PTBP3: variants seen among roughly 807,000 people sequenced by gnomAD.
PTBP3 encodes polypyrimidine tract binding protein 3, also known as polypyrimidine tract-binding protein 3.
PTBP3 carries 20 observed loss-of-function variants against 58.7 expected under a neutral mutation model. The ratio of observed to expected loss-of-function variants is 0.34; its 90% CI spans 0.24 to 0.50. The LOEUF (loss-of-function observed/expected upper bound fraction) is 0.50. Among genes scored for constraint, PTBP3 ranks in the 20% least tolerant of loss-of-function variants. The pLI, the probability that PTBP3 is intolerant of heterozygous loss-of-function variation, is 0.98. For missense variants in PTBP3, 509 were observed against 637.2 expected (o/e 0.80, Z 2.17); for synonymous variants, 185 against 219.8 (o/e 0.84, Z 1.40).
At chr9:112,259,404 C>T (rs1019397794) in intron 5 of PTBP3, among the ~76,000 whole-genome samples, 1 of 152,210 alleles carries the variant, frequency 6.6e-6, no homozygotes, top group East Asian at 1.9e-4. Flanking sequence ...AATGCCCTCT[C>T]GCATAGGGCT....
chr9:112,281,723 A>G (rs997456046), intron 2 of PTBP3, among the ~76,000 whole-genome samples: 4 of 152,198 alleles, frequency 2.6e-5, no homozygotes, highest in African/African-American at 7.2e-5. Flanking sequence ...AAACAGCTAT[A>G]TGACTATCTG....
intron 6 of PTBP3, chr9:112,252,360 C>T: frequency 3.3e-6 from 1 of 303,190 alleles, no homozygotes; most frequent in Non-Finnish European, 6.2e-6. Flanking sequence ...TAAATGAAAG[C>T]ACGAGGGTAA....
At chr9:112,290,714 A>ACAAACACACC (rs1828378544) in intron 2 of PTBP3, among the ~76,000 whole-genome samples, 1 of 144,658 alleles carries the variant, frequency 6.9e-6, no homozygotes, top group Non-Finnish European at 1.5e-5. Context: ...ATATACACAC[A>ACAAACACACC]CACACACACA....
chr9:112,285,064 G>A (rs1828051524), intron 2 of PTBP3, among the ~76,000 whole-genome samples: 3 of 152,056 alleles, frequency 2.0e-5, no homozygotes, highest in Admixed American at 2.0e-4. Context: ...AGAATAATAT[G>A]GTTTCACTCT....
upstream of PTBP3, among the ~76,000 whole-genome samples, chr9:112,335,599 CTTTTTTTT>C (rs113253430): frequency 2.9e-5 from 3 of 102,708 alleles, no homozygotes; most frequent in Admixed American, 1.1e-4. Context: ...TACCATTTTT[CTTTTTTTT>C]TTTTTTTTTT....
intron 1 of PTBP3, among the ~76,000 whole-genome samples, chr9:112,300,286 T>TA: frequency 6.6e-6 from 1 of 152,332 alleles, no homozygotes. Context: ...TGTGTGCACC[T>TA]AGACATATAA....
chr9:112,376,304 AGTGCAGTGGC>A, the PTBP3 span, among the ~76,000 whole-genome samples: 18 of 116,916 alleles, frequency 1.5e-4, no homozygotes, highest in Admixed American at 2.0e-3. Context: ...ACCAGGCTGG[AGTGCAGTGGC>A]GTGGTCTCCG....
At chr9:112,307,274 G>A (rs2132363615) in intron 1 of PTBP3, among the ~76,000 whole-genome samples, 1 of 152,226 alleles carries the variant, frequency 6.6e-6, no homozygotes, top group Non-Finnish European at 1.5e-5. Context: ...GCAACAGAAT[G>A]AGATCCCATC....
At chr9:112,342,729 A>AAAGAAGAAGAAGAAGAAGAAG in the PTBP3 span, among the ~76,000 whole-genome samples, 25,830 of 150,772 alleles carry the variant, frequency 0.17, 2,663 homozygotes, top group South Asian at 0.25. Context: ...AAAGAAAAAC[A>AAAGAAGAAGAAGAAGAAGAAG]AAGAAGAAGA....
At chr9:112,298,465 C>A in intron 1 of PTBP3, 1 of 432,148 alleles carries the variant, frequency 2.3e-6, no homozygotes, top group Non-Finnish European at 4.5e-6. Context: ...GAGTTTTGAT[C>A]AACTTCCAAA....
At chr9:112,274,581 C>T (rs192233227) in intron 3 of PTBP3, among the ~76,000 whole-genome samples, 2 of 152,256 alleles carry the variant, frequency 1.3e-5, no homozygotes, top group African/African-American at 4.8e-5. Context: ...ACCACAGAAA[C>T]AAGTTTCCTT....
intron 12 of PTBP3, among the ~76,000 whole-genome samples, chr9:112,226,231 G>A (rs1564386339): frequency 6.6e-6 from 1 of 150,560 alleles, no homozygotes; most frequent in Non-Finnish European, 1.5e-5. Context: ...CGGCTGGTAT[G>A]AGGTTTGATC....
intron 1 of PTBP3, among the ~76,000 whole-genome samples, chr9:112,298,715 A>G (rs1286913092): frequency 6.6e-6 from 1 of 152,234 alleles, no homozygotes; most frequent in Non-Finnish European, 1.5e-5. Context: ...TTAGAACAGC[A>G]ATAGTGCTAC....
At chr9:112,250,553 C>G (rs1220523616) in intron 7 of PTBP3, among the ~76,000 whole-genome samples, 1 of 152,018 alleles carries the variant, frequency 6.6e-6, no homozygotes, top group Non-Finnish European at 1.5e-5. Context: ...TATAAAATAT[C>G]ACTACTTAAA....
chr9:112,356,128 C>T, the PTBP3 span, among the ~76,000 whole-genome samples: 3 of 151,850 alleles, frequency 2.0e-5, no homozygotes, highest in East Asian at 5.8e-4. Context: ...CAGGCGCACA[C>T]CACCACACCA....
chr9:112,332,958 C>T (rs1257480812), intron 1 of PTBP3: 2 of 1,444,026 alleles, frequency 1.4e-6, no homozygotes, highest in Admixed American at 2.6e-5. Flanking sequence ...GGGACCATGG[C>T]TTGCGACCAG....
At chr9:112,337,149 C>G (rs1445984084), upstream of PTBP3, among the ~76,000 whole-genome samples, 1 of 152,182 alleles carries the variant, frequency 6.6e-6, no homozygotes, top group African/African-American at 2.4e-5. Flanking sequence ...CCTGCCTTAG[C>G]CTCCCTGGTA....
intron 1 of PTBP3, among the ~76,000 whole-genome samples, chr9:112,306,267 C>T (rs1007003607): frequency 2.6e-5 from 4 of 151,936 alleles, no homozygotes; most frequent in African/African-American, 4.8e-5. Context: ...TAGGCTCAAG[C>T]GATCCTTCCA....
At chr9:112,291,084 T>C (rs1254602525) in intron 2 of PTBP3, among the ~76,000 whole-genome samples, 6 of 152,022 alleles carry the variant, frequency 3.9e-5, no homozygotes, top group Non-Finnish European at 7.4e-5. Flanking sequence ...TAGCTGGGCA[T>C]GGTGGCGGGC....
Sources: allele counts gnomAD v4.1 joint callset (sites outside exome capture counted in the v4.1 genomes callset), GRCh38; gene constraint gnomAD v4.1.1; transcripts MANE v1.5; gene names NCBI Gene and HGNC (gene_info 2026-07-23, HGNC 2026-07-21).